The following SOX5 variants were observed in gnomAD, a reference collection of about 807,000 sequenced individuals.
SOX5 encodes SRY-box transcription factor 5.
A neutral mutation model predicts 92.0 loss-of-function variants in SOX5; 9 were observed. The ratio of observed to expected loss-of-function variants is 0.10; its 90% CI spans 0.06 to 0.17. The LOEUF is 0.17. Ranked by LOEUF, SOX5 falls within the 10% of genes least tolerant of loss-of-function variation. The probability of loss-of-function intolerance (pLI) is 1.00; values close to 1 mark genes in which losing one functional copy is unlikely to be tolerated. For missense variants in SOX5, 642 were observed against 944.5 expected (o/e 0.68, Z 4.20); for synonymous variants, 344 against 336.3 (o/e 1.02, Z -0.25).
At chr12:24,135,112 C>T (rs1024747398) in intron 4 of SOX5, among the ~76,000 whole-genome samples, 1 of 152,172 alleles carries the variant, frequency 6.6e-6, no homozygotes, top group Non-Finnish European at 1.5e-5. Context: ...ATTAAGGACT[C>T]CCTCATTTTT....
At chr12:23,542,022 A>T (rs1469449346) in intron 13 of SOX5, among the ~76,000 whole-genome samples, 2 of 152,178 alleles carry the variant, frequency 1.3e-5, no homozygotes, top group African/African-American at 4.8e-5. Context: ...AGGCAGAAGA[A>T]TTGCTTGAAC....
chr12:23,893,989 T>C (rs1012711659), intron 2 of SOX5, among the ~76,000 whole-genome samples: 3 of 152,272 alleles, frequency 2.0e-5, no homozygotes, highest in Admixed American at 6.5e-5. Flanking sequence ...TGAATAATGT[T>C]TGTAAGCATG....
intron 8 of SOX5, among the ~76,000 whole-genome samples, chr12:23,606,478 A>G (rs2075273788): frequency 6.6e-6 from 1 of 151,690 alleles, no homozygotes; most frequent in South Asian, 2.1e-4. Flanking sequence ...TATCTGTGAT[A>G]AAGAAAATGT....
At chr12:24,340,990 T>G (rs1445297926) in intron 2 of SOX5, among the ~76,000 whole-genome samples, 6 of 152,218 alleles carry the variant, frequency 3.9e-5, no homozygotes, top group Admixed American at 3.9e-4. Context: ...AACAGCCATC[T>G]GGGCAACCAC....
At position 23,739,449 on chromosome 12, in the gene SOX5, CTAG is replaced by C. The variant is rs1413376544; in HGVS notation, c.741+1415_741+1417del. On this transcript the variant is annotated intron_variant, in intron 5 of 14. Transcript: ENST00000451604. The stretch of plus-strand genomic sequence containing the variant: ...AACAATGAGAATCTAAATGAAAAAT[CTAG>C]TAGTTTCAATTTGATATTAGAACGA... Among the ~76,000 whole-genome samples the C allele has an allele frequency of 4.6e-5, 7 of 152,164 alleles. No individual in the cohort carries two copies. In the East Asian group the frequency reaches 1.3e-3, roughly 29 times the overall value.
At chr12:24,313,443 T>G (rs992464879) in intron 2 of SOX5, among the ~76,000 whole-genome samples, 2 of 152,080 alleles carry the variant, frequency 1.3e-5, no homozygotes, top group African/African-American at 4.8e-5. Context: ...GGTGGAAGGA[T>G]CACTTGAGCC....
intron 3 of SOX5, among the ~76,000 whole-genome samples, chr12:24,221,901 T>A (rs1337406539): frequency 6.6e-6 from 1 of 152,172 alleles, no homozygotes; most frequent in Non-Finnish European, 1.5e-5. Flanking sequence ...GATGGCATAC[T>A]GTATTTTCAG....
chr12:23,540,366 TAATAATAATAATA>T (rs1325091622), intron 13 of SOX5, among the ~76,000 whole-genome samples: 1 of 70,274 alleles, frequency 1.4e-5, no homozygotes, highest in Non-Finnish European at 2.5e-5. Flanking sequence ...TAAAGTATAA[TAATAATAATAATA>T]ATAATAATAA....
intron 3 of SOX5, among the ~76,000 whole-genome samples, chr12:24,271,382 A>G (rs993786746): frequency 3.3e-5 from 5 of 152,190 alleles, no homozygotes; most frequent in African/African-American, 1.2e-4. Flanking sequence ...GTGAACTTTA[A>G]CAACGACTTG....
intron 3 of SOX5, among the ~76,000 whole-genome samples, chr12:24,233,767 C>A (rs974453751): frequency 2.8e-4 from 42 of 152,204 alleles, no homozygotes; most frequent in Non-Finnish European, 2.1e-4. Context: ...ACAAGGAAGA[C>A]CTATGTGCAT....
chr12:23,674,354 T>TTTA (rs2085306599), intron 6 of SOX5, among the ~76,000 whole-genome samples: 1 of 147,788 alleles, frequency 6.8e-6, no homozygotes. Flanking sequence ...TTTTTTTTTT[T>TTTA]GAGACGGAGT....
At chr12:24,435,761 T>C (rs1297525000) in intron 1 of SOX5, among the ~76,000 whole-genome samples, 1 of 99,516 alleles carries the variant, frequency 1.0e-5, no homozygotes, top group African/African-American at 3.4e-5. Flanking sequence ...TACTGTGGTT[T>C]GTTTTTTTGT....
At chr12:23,849,436 A>G (rs530773520) in intron 2 of SOX5, among the ~76,000 whole-genome samples, 4 of 152,290 alleles carry the variant, frequency 2.6e-5, no homozygotes, top group Non-Finnish European at 5.9e-5. Context: ...TCATAGCTGG[A>G]TAAACTGAGG....
chr12:24,298,782 T>TTAA (rs1209836228), intron 2 of SOX5, among the ~76,000 whole-genome samples: 1 of 21,392 alleles, frequency 4.7e-5, no homozygotes, highest in Non-Finnish European at 1.0e-4. Flanking sequence ...CCCAGAGTAG[T>TTAA]CAAAAAAAAA....
At chr12:24,342,312 C>T (rs1403974582) in intron 2 of SOX5, among the ~76,000 whole-genome samples, 1 of 150,502 alleles carries the variant, frequency 6.6e-6, no homozygotes, top group Non-Finnish European at 1.5e-5. Flanking sequence ...TGTTTCATCA[C>T]CAATTTCTCA....
At chr12:24,198,288 T>A (rs1386271115) in intron 4 of SOX5, among the ~76,000 whole-genome samples, 3 of 152,166 alleles carry the variant, frequency 2.0e-5, no homozygotes, top group Non-Finnish European at 4.4e-5. Context: ...ATGGTTTAAA[T>A]TTATAGCATT....
intron 10 of SOX5, among the ~76,000 whole-genome samples, chr12:23,568,434 C>A (rs555421283): frequency 2.0e-5 from 3 of 152,272 alleles, no homozygotes; most frequent in African/African-American, 7.2e-5. Flanking sequence ...TTTACCATGT[C>A]TCTAAGAATT....
At chr12:24,148,682 C>T in intron 4 of SOX5, among the ~76,000 whole-genome samples, 1 of 89,062 alleles carries the variant, frequency 1.1e-5, no homozygotes, top group Non-Finnish European at 2.0e-5. Context: ...AGACCCCCAT[C>T]TCTACTAAAA....
intron 8 of SOX5, among the ~76,000 whole-genome samples, chr12:23,609,910 G>A (rs2075749883): frequency 6.6e-6 from 1 of 152,062 alleles, no homozygotes. Flanking sequence ...TTATTATTAT[G>A]TGCACCAAAT....
Sources: allele counts gnomAD v4.1 joint callset (sites outside exome capture counted in the v4.1 genomes callset), GRCh38; gene constraint gnomAD v4.1.1; transcripts MANE v1.5; gene names NCBI Gene and HGNC (gene_info 2026-07-23, HGNC 2026-07-21).